CACNA2D3: variants seen among roughly 807,000 people sequenced by gnomAD.
The protein encoded by CACNA2D3 is calcium voltage-gated channel auxiliary subunit alpha2delta 3, also known as voltage-dependent calcium channel subunit alpha-2/delta-3.
Under a neutral mutation model 160.6 loss-of-function variants are expected in CACNA2D3, and 60 were observed. That is an observed-to-expected ratio of 0.37 (90% CI 0.30 to 0.46). The LOEUF (loss-of-function observed/expected upper bound fraction) is 0.46, where lower values mean the gene tolerates loss of function less well. CACNA2D3 is among the 20% of genes least tolerant of loss of function. CACNA2D3 has a pLI of 1.00. For synonymous variants in CACNA2D3, 558 were observed against 492.9 expected, an observed-to-expected ratio of 1.13 and a Z score of -1.75; for missense variants, 1,205 against 1,365.0, an observed-to-expected ratio of 0.88 and a Z score of 1.85.
At chr3:54,177,660 A>G (rs2107319102) in intron 2 of CACNA2D3, 1 of 152,276 alleles carries the variant, frequency 6.6e-6, no homozygotes, top group African/African-American at 2.4e-5. Flanking sequence ...TGCTATTTCA[A>G]AAGTTGATCA....
At chr3:54,245,771 G>A (rs1271465786) in intron 2 of CACNA2D3, among the ~76,000 whole-genome samples, 3 of 152,200 alleles carry the variant, frequency 2.0e-5, no homozygotes, top group African/African-American at 4.8e-5. Context: ...GCTCATCTAA[G>A]TATTAAAAAT....
At chr3:54,880,015 C>T (rs529670701) in intron 20 of CACNA2D3, among the ~76,000 whole-genome samples, 3 of 152,276 alleles carry the variant, frequency 2.0e-5, no homozygotes, top group African/African-American at 7.2e-5. Context: ...TTTCAGTAAG[C>T]CTGCTTCATA....
intron 27 of CACNA2D3, among the ~76,000 whole-genome samples, chr3:54,919,464 C>G: frequency 6.6e-6 from 1 of 152,156 alleles, no homozygotes. Flanking sequence ...TCCTGGAATT[C>G]GGTACCATGA....
rs578199883 is a variant in CACNA2D3, at chr3:54,996,113, A to T, written c.2690+8360A>T. 1.4e-4 allele frequency among the ~76,000 whole-genome samples: 21 copies of T among 152,352 alleles called. No homozygotes were observed. In the South Asian group the frequency reaches 4.3e-3, roughly 32 times the overall value. On this transcript the variant is annotated intron_variant, in intron 31 of 37. Transcript: ENST00000474759. ...AGGTACTAACATTTATTAAGCCTCA[A>T]TGACATGCCCCACACTGCCAAGTGC...
intron 2 of CACNA2D3, among the ~76,000 whole-genome samples, chr3:54,318,980 G>A (rs1181135055): frequency 6.6e-6 from 1 of 152,040 alleles, no homozygotes; most frequent in Non-Finnish European, 1.5e-5. Context: ...TCACCTCTAG[G>A]CTCTAAGGAT....
chr3:54,376,395 T>C (rs768249905), intron 3 of CACNA2D3, among the ~76,000 whole-genome samples: 7 of 152,376 alleles, frequency 4.6e-5, no homozygotes, highest in Non-Finnish European at 8.8e-5. Flanking sequence ...CATAGTGCTA[T>C]AACCTCTCTT....
intron 11 of CACNA2D3, among the ~76,000 whole-genome samples, chr3:54,689,837 A>G (rs562861154): frequency 6.6e-6 from 1 of 152,214 alleles, no homozygotes; most frequent in Non-Finnish European, 1.5e-5. Context: ...TTTTCAGCAC[A>G]ACAGCCAGAG....
intron 20 of CACNA2D3, among the ~76,000 whole-genome samples, chr3:54,880,283 G>A (rs1337472184): frequency 6.6e-6 from 1 of 152,210 alleles, no homozygotes; most frequent in African/African-American, 2.4e-5. Context: ...TCAAGCCAGT[G>A]AGTGTGAAAA....
chr3:54,842,946 A>G, intron 16 of CACNA2D3, among the ~76,000 whole-genome samples: 1 of 148,326 alleles, frequency 6.7e-6, no homozygotes. Context: ...AAAGAGAACT[A>G]CCTAGGGTTG....
chr3:54,611,309 G>A lies in CACNA2D3; in HGVS notation c.964-16478G>A, dbSNP rs146915940. ...TCTAATTGTCAACCCTTTCTCAGAC[G>A]GTATTTCTGCTTCAGGAGGTTATTT... is the stretch of plus-strand genomic sequence containing the variant. On this transcript the variant is annotated intron_variant, in intron 9 of 37. Transcript: ENST00000474759. Among the ~76,000 whole-genome samples the A allele has an allele frequency of 1.6e-4, 24 of 152,256 alleles. No homozygotes were observed. In the East Asian group the frequency reaches 3.1e-3, roughly 20 times the overall value.
At chr3:54,219,558 C>T (rs1701526997) in intron 2 of CACNA2D3, among the ~76,000 whole-genome samples, 1 of 152,184 alleles carries the variant, frequency 6.6e-6, no homozygotes, top group African/African-American at 2.4e-5. Context: ...TTGGGTTTCT[C>T]TTCCTTCGGG....
At chr3:54,212,329 G>A (rs1701389614) in intron 2 of CACNA2D3, among the ~76,000 whole-genome samples, 1 of 152,132 alleles carries the variant, frequency 6.6e-6, no homozygotes, top group South Asian at 2.1e-4. Context: ...GAAGTGGTGG[G>A]ACAACTTGAA....
intron 4 of CACNA2D3, among the ~76,000 whole-genome samples, chr3:54,475,586 C>T (rs1700814257): frequency 6.6e-6 from 1 of 152,096 alleles, no homozygotes; most frequent in South Asian, 2.1e-4. Context: ...AAGTTCCCTT[C>T]CCCCAAGATC....
At chr3:54,736,077 ATATATGTATG>A (rs1701511588) in intron 11 of CACNA2D3, among the ~76,000 whole-genome samples, 1 of 22,176 alleles carries the variant, frequency 4.5e-5, no homozygotes, top group Non-Finnish European at 1.3e-4. Flanking sequence ...ATATATACAT[ATATATGTATG>A]TGTATATATA....
At chr3:54,189,352 C>T (rs1330415516) in intron 2 of CACNA2D3, among the ~76,000 whole-genome samples, 1 of 152,146 alleles carries the variant, frequency 6.6e-6, no homozygotes, top group African/African-American at 2.4e-5. Flanking sequence ...GTGTTCCATC[C>T]ATTAATTAAG....
intron 3 of CACNA2D3, among the ~76,000 whole-genome samples, chr3:54,327,903 T>C (rs1290081244): frequency 2.0e-5 from 3 of 152,220 alleles, no homozygotes; most frequent in African/African-American, 7.2e-5. Flanking sequence ...GATTACATGT[T>C]GTGGACATGT....
chr3:54,262,727 C>T (rs1378839309), intron 2 of CACNA2D3, among the ~76,000 whole-genome samples: 7 of 152,178 alleles, frequency 4.6e-5, no homozygotes, highest in South Asian at 4.1e-4. Flanking sequence ...CCTGGCCAAG[C>T]GGAACCTGTG....
chr3:54,658,876 C>G (rs1699920378), intron 11 of CACNA2D3, among the ~76,000 whole-genome samples: 1 of 152,050 alleles, frequency 6.6e-6, no homozygotes, highest in Non-Finnish European at 1.5e-5. Flanking sequence ...CCCTGCCTTC[C>G]TCTCAACTGC....
At chr3:54,770,743 G>A (rs561363124) in intron 13 of CACNA2D3, among the ~76,000 whole-genome samples, 77 of 152,126 alleles carry the variant, frequency 5.1e-4, no homozygotes, top group Non-Finnish European at 1.0e-3. Context: ...GAAGTCAGTT[G>A]TCTTCATTCC....
Sources: gnomAD v4.1 joint callset for allele counts (sites outside exome capture counted in the v4.1 genomes callset) on GRCh38, gnomAD v4.1.1 for gene constraint, MANE v1.5 for transcripts, NCBI Gene and HGNC (gene_info 2026-07-23, HGNC 2026-07-21) for gene names.